Variants in DACH2 observed in about 807,000 individuals in gnomAD.
DACH2 encodes dachshund homolog 2.
Under a neutral mutation model 35.8 loss-of-function variants are expected in DACH2, and 17 were observed. That is an observed-to-expected ratio of 0.48 (90% CI 0.33 to 0.71). The LOEUF is 0.71. Ranked by LOEUF, DACH2 falls within the 30% of genes least tolerant of loss-of-function variation. The pLI, the probability that DACH2 is intolerant of heterozygous loss-of-function variation, is 0.02. For synonymous variants in DACH2, 195 were observed against 177.3 expected, an observed-to-expected ratio of 1.10 and a Z score of -0.79; for missense variants, 469 against 472.7, an observed-to-expected ratio of 0.99 and a Z score of 0.07.
chrX:86,408,158 C>T (rs1345566688), intron 2 of DACH2, among the ~76,000 whole-genome samples: 2 of 111,534 alleles, frequency 1.8e-5, no homozygotes, highest in Non-Finnish European at 3.8e-5. Context: ...CAGTTGCACC[C>T]ATTAGAAACT....
chrX:86,546,357 CTCTTCTTCTTCTTCTTCTTCT>C (rs1195943792), intron 3 of DACH2, among the ~76,000 whole-genome samples: 8 of 50,073 alleles, frequency 1.6e-4, no homozygotes, highest in Admixed American at 2.5e-4. Context: ...CTTCTTCTTC[CTCTTCTTCTTCTTCTTCTTCT>C]TCTTCTTCTT....
intron 3 of DACH2, among the ~76,000 whole-genome samples, chrX:86,567,034 T>C (rs1040192960): frequency 1.8e-5 from 2 of 111,677 alleles, no homozygotes; most frequent in Non-Finnish European, 3.8e-5. Flanking sequence ...AGAAATGTGC[T>C]TGGATATATT....
At chrX:86,645,790 T>G (rs1190485100) in intron 3 of DACH2, among the ~76,000 whole-genome samples, 1 of 111,073 alleles carries the variant, frequency 9.0e-6, no homozygotes, top group East Asian at 2.8e-4. Flanking sequence ...CTTAACAAAC[T>G]AAGGCAGGAA....
At chrX:86,196,316 CA>C (rs2031981616) in intron 1 of DACH2, among the ~76,000 whole-genome samples, 1 of 110,908 alleles carries the variant, frequency 9.0e-6, no homozygotes, top group Non-Finnish European at 1.9e-5. Context: ...CAGAATAGAC[CA>C]AGCGCAGGAA....
chrX:86,254,791 TATATATATATATATATAG>T (rs2033475495), intron 1 of DACH2, among the ~76,000 whole-genome samples: 1 of 65,689 alleles, frequency 1.5e-5, no homozygotes, highest in Non-Finnish European at 2.7e-5. Flanking sequence ...AATATATATA[TATATATATATATATATAG>T]AGAGAGAGAG....
intron 3 of DACH2, among the ~76,000 whole-genome samples, chrX:86,608,429 A>C (rs1039560236): frequency 8.9e-6 from 1 of 111,804 alleles, no homozygotes; most frequent in Non-Finnish European, 1.9e-5. Context: ...ATTGTTTTTG[A>C]TTGGTTCATT....
At chrX:86,304,682 G>A (rs762227017) in intron 1 of DACH2, 32 of 168,400 alleles carry the variant, frequency 1.9e-4, no homozygotes, top group Non-Finnish European at 3.2e-4. Context: ...TAGGATCCAG[G>A]CATCCACAAG....
chrX:86,199,465 A>G (rs1327599312), intron 1 of DACH2, among the ~76,000 whole-genome samples: 2 of 111,876 alleles, frequency 1.8e-5, no homozygotes, highest in African/African-American at 6.5e-5. Flanking sequence ...GGAAGAGAGG[A>G]AGCCAAGCTA....
chrX:86,287,111 CTT>C (rs2034168278), intron 1 of DACH2, among the ~76,000 whole-genome samples: 2 of 110,938 alleles, frequency 1.8e-5, no homozygotes, highest in African/African-American at 6.6e-5. Context: ...CTGGGAAAGT[CTT>C]TATTTCTCCT....
chrX:86,610,140 A>G (rs1324493433), intron 3 of DACH2, among the ~76,000 whole-genome samples: 2 of 111,415 alleles, frequency 1.8e-5, no homozygotes, highest in Non-Finnish European at 3.8e-5. Flanking sequence ...TTAGAAGTCT[A>G]TCTGATGTTC....
chrX:86,236,087 G>A (rs909125990), intron 1 of DACH2, among the ~76,000 whole-genome samples: 8 of 110,421 alleles, frequency 7.2e-5, no homozygotes, highest in Admixed American at 2.9e-4. Flanking sequence ...GAGGCAAATC[G>A]TGCCACTGCA....
intron 1 of DACH2, among the ~76,000 whole-genome samples, chrX:86,200,285 C>T (rs1207974391): frequency 9.0e-6 from 1 of 111,181 alleles, no homozygotes; most frequent in Non-Finnish European, 1.9e-5. Context: ...AAAATCAACT[C>T]AAGATGGATT....
At chrX:86,285,542 A>G (rs748667840) in intron 1 of DACH2, among the ~76,000 whole-genome samples, 2 of 111,622 alleles carry the variant, frequency 1.8e-5, no homozygotes, top group Non-Finnish European at 3.8e-5. Context: ...TATTATTTCA[A>G]TTTTTGTGAA....
At chrX:86,500,588 T>A (rs760360894) in intron 2 of DACH2, among the ~76,000 whole-genome samples, 1 of 111,967 alleles carries the variant, frequency 8.9e-6, no homozygotes, top group East Asian at 2.8e-4. Context: ...TTCATTGCAA[T>A]TTATCTGGAA....
intron 3 of DACH2, among the ~76,000 whole-genome samples, chrX:86,573,676 A>C (rs769972970): frequency 8.9e-6 from 1 of 111,891 alleles, no homozygotes; most frequent in South Asian, 3.7e-4. Flanking sequence ...TGTTCTCAAG[A>C]ATAGCCGTGC....
intron 7 of DACH2, among the ~76,000 whole-genome samples, chrX:86,802,528 G>GAAAAAA (rs34700295): frequency 3.2e-5 from 2 of 63,177 alleles, no homozygotes; most frequent in African/African-American, 5.7e-5. Context: ...TTTCTTGGTT[G>GAAAAAA]AAAAAAAAAA....
At chrX:86,236,693 T>C (rs748763692) in intron 1 of DACH2, among the ~76,000 whole-genome samples, 5 of 112,012 alleles carry the variant, frequency 4.5e-5, no homozygotes, top group Non-Finnish European at 7.5e-5. Flanking sequence ...AGTAAAAATA[T>C]GGCATAAAAG....
chrX:86,359,228 T>C (rs1487629303), intron 1 of DACH2, among the ~76,000 whole-genome samples: 3 of 110,417 alleles, frequency 2.7e-5, no homozygotes, highest in African/African-American at 9.9e-5. Flanking sequence ...AATGCTATTA[T>C]CAAATTCAAA....
intron 2 of DACH2, among the ~76,000 whole-genome samples, chrX:86,396,529 A>G (rs1363976328): frequency 4.9e-5 from 5 of 102,210 alleles, no homozygotes; most frequent in African/African-American, 1.1e-4. Context: ...TAGGTCTAAC[A>G]TTTAAGTCTT....
Sources: gnomAD v4.1 joint callset for allele counts (sites outside exome capture counted in the v4.1 genomes callset) on GRCh38, gnomAD v4.1.1 for gene constraint, MANE v1.5 for transcripts, NCBI Gene and HGNC (gene_info 2026-07-23, HGNC 2026-07-21) for gene names.